The following ATP2B4 variants were observed in gnomAD, a reference collection of about 807,000 sequenced individuals.
The protein encoded by ATP2B4 is ATPase plasma membrane Ca2+ transporting 4.
In ATP2B4, 39 loss-of-function variants were observed where a neutral mutation model predicts 110.3. That is an observed-to-expected ratio of 0.35 (90% CI 0.27 to 0.46). The LOEUF (loss-of-function observed/expected upper bound fraction) is 0.46, where lower values mean the gene tolerates loss of function less well. Among genes scored for constraint, ATP2B4 ranks in the 20% least tolerant of loss-of-function variants. The probability of loss-of-function intolerance (pLI) is 1.00; values close to 1 mark genes in which losing one functional copy is unlikely to be tolerated. For synonymous variants in ATP2B4, 538 were observed against 571.7 expected (o/e 0.94, Z 0.84); for missense variants, 1,135 against 1,530.9 (o/e 0.74, Z 4.32).
At chr1:203,726,425 CTTTT>C (rs71861339) in intron 19 of ATP2B4, among the ~76,000 whole-genome samples, 1 of 145,080 alleles carries the variant, frequency 6.9e-6, no homozygotes, top group Non-Finnish European at 1.5e-5. Flanking sequence ...GTGAAGATTT[CTTTT>C]TTTTTTTTTT....
chr1:203,728,059 T>C (rs544599417), intron 20 of ATP2B4: 1 of 363,884 alleles, frequency 2.7e-6, no homozygotes, highest in African/African-American at 2.1e-5. Context: ...GAAACTCACC[T>C]TGTTATATCT....
chr1:203,729,784 G>T (rs938692364), intron 20 of ATP2B4: 1 of 1,322,708 alleles, frequency 7.6e-7, no homozygotes. Context: ...TCCGGGCACT[G>T]CCTGGAGCTC....
At chr1:203,657,792 C>T in intron 1 of ATP2B4, 6 of 588,308 alleles carry the variant, frequency 1.0e-5, no homozygotes, top group Non-Finnish European at 3.0e-6. Flanking sequence ...AGGAGTAGCC[C>T]CTGAGGTGCG....
At chr1:203,714,851 C>T (rs907628023) in intron 15 of ATP2B4, among the ~76,000 whole-genome samples, 3 of 152,150 alleles carry the variant, frequency 2.0e-5, no homozygotes, top group Non-Finnish European at 4.4e-5. Flanking sequence ...GCCTCCCATA[C>T]AGATTGAACT....
chr1:203,672,322 CTCTTTTTTTTTTTTT>C (rs1348780193), intron 1 of ATP2B4, among the ~76,000 whole-genome samples: 1 of 76,888 alleles, frequency 1.3e-5, no homozygotes, highest in Non-Finnish European at 2.4e-5. Context: ...GTTGCGGTGG[CTCTTTTTTTTTTTTT>C]TTTTTTTTTT....
chr1:203,679,349 C>T (rs959144076), intron 1 of ATP2B4, among the ~76,000 whole-genome samples: 2 of 152,136 alleles, frequency 1.3e-5, no homozygotes, highest in African/African-American at 2.4e-5. Flanking sequence ...AGTATTATAG[C>T]GATCCCACCT....
intron 2 of ATP2B4, among the ~76,000 whole-genome samples, chr1:203,684,894 T>G (rs1452239081): frequency 6.6e-6 from 1 of 152,202 alleles, no homozygotes. Context: ...AGTCTCACTC[T>G]TGTTGCCCAG....
intron 17 of ATP2B4, 123 bp from the exon 18 acceptor site, chr1:203,722,355 A>G (rs1469146937): frequency 1.3e-6 from 1 of 765,992 alleles, no homozygotes; most frequent in East Asian, 2.6e-5. Context: ...TAACTAGTGC[A>G]GCTCAGATAT....
rs188314751 is a variant in ATP2B4 at position 203,740,698 on chromosome 1, A to C, written c.*844A>C. On this transcript the variant is annotated 3_prime_UTR_variant, in exon 21 of 21. Transcript: ENST00000357681. ...GTGGTTCTTAAGTGCCAGGGAGATC[A>C]GCCTTGCCCATGAAGGTTGCATATG... The C allele has an allele frequency of 6.6e-6, 1 of 152,368 alleles. No homozygotes were observed. Among genetic ancestry groups the C allele is most frequent in the East Asian group, 1.9e-4 (1 of 5,186 alleles). The allele number at this position is 152,368 out of a possible 1,614,324, so 9.4% of individuals were successfully genotyped here. A position where few individuals can be genotyped will look rare whatever the true frequency, so the allele number is the denominator to read the frequency against.
rs1205529923 is a variant in ATP2B4 at position 203,664,824 on chromosome 1, C to T, written c.-464-17918C>T. Among the ~76,000 whole-genome samples the T allele has an allele frequency of 5.3e-5, 8 of 152,158 alleles. No individual in the cohort carries two copies. In the East Asian group the frequency reaches 1.5e-3, roughly 29 times the overall value. ...ACTGCACCTGCTAGTCCTTAAGGTA[C>T]TTTTATTTTATTTTATTTTATTTTT... On this transcript the variant is annotated intron_variant, in intron 1 of 20. Transcript: ENST00000357681.
At chr1:203,649,068 C>G (rs576456136) in intron 1 of ATP2B4, among the ~76,000 whole-genome samples, 16 of 152,218 alleles carry the variant, frequency 1.1e-4, no homozygotes, top group Middle Eastern at 3.4e-3. Flanking sequence ...TCATGGAGTG[C>G]CTACAAATAT....
chr1:203,637,531 A>C (rs927196639), intron 1 of ATP2B4, among the ~76,000 whole-genome samples: 1 of 152,130 alleles, frequency 6.6e-6, no homozygotes, highest in African/African-American at 2.4e-5. Flanking sequence ...ACACTGGAAT[A>C]ATGTCAGTGG....
At chr1:203,734,729 G>A (rs1171832257) in intron 20 of ATP2B4, among the ~76,000 whole-genome samples, 3 of 148,206 alleles carry the variant, frequency 2.0e-5, no homozygotes, top group African/African-American at 7.5e-5. Flanking sequence ...AAAAGGCCAG[G>A]CACAGTGGTT....
chr1:203,663,355 T>A (rs1289706439), intron 1 of ATP2B4, among the ~76,000 whole-genome samples: 1 of 152,130 alleles, frequency 6.6e-6, no homozygotes, highest in Non-Finnish European at 1.5e-5. Context: ...CTCCCTTTTG[T>A]ACCTCCACAA....
intron 20 of ATP2B4, chr1:203,733,109 C>A (rs1016476852): frequency 3.5e-5 from 34 of 983,858 alleles, no homozygotes; most frequent in Middle Eastern, 3.2e-4. Context: ...GTCCCCTTTT[C>A]CCATCTACTT....
intron 1 of ATP2B4, 110 bp from the exon 2 acceptor site, chr1:203,682,632 G>C (rs545656527): frequency 6.6e-6 from 1 of 152,484 alleles, no homozygotes; most frequent in African/African-American, 2.4e-5. Context: ...GATCTCAACT[G>C]TCACTTAAAC....
At position 203,699,621 on chromosome 1, in the gene ATP2B4, G is replaced by C; in HGVS notation, c.553G>C (p.Glu185Gln). ...KQFRGLQCRI[E>Q]QEQKFSIIRN... The stretch of plus-strand genomic sequence containing the variant: ...ATTCCGGGGGCTGCAGTGCCGCATT[G>C]AACAGGAGCAAAAGTTCTCCATCAT... Residue 185 changes from glutamate (E) to glutamine (Q), a missense_variant, in exon 4 of 21, where the codon GAA (glutamate) becomes CAA (glutamine). Transcript: ENST00000357681. 6.2e-7 allele frequency: 1 copy of C among 1,614,172 alleles called. No individual in the cohort carries two copies. Among genetic ancestry groups the C allele is most frequent in the Non-Finnish European group, 8.5e-7 (1 of 1,180,048 alleles).
chr1:203,722,643 G>A lies in ATP2B4; in HGVS notation c.2978G>A (p.Arg993His), dbSNP rs201032065. The A allele has an allele frequency of 8.3e-5, 134 of 1,614,038 alleles. No individual in the cohort carries two copies. Among genetic ancestry groups the A allele is most frequent in the Middle Eastern group, 1.6e-4 (1 of 6,084 alleles). The stretch of plus-strand genomic sequence containing the variant: ...AAGAACGTCTTTTCAGGCATCTACC[G>A]CAACATTATCTTCTGCTCTGTAGTC... Reference protein sequence around the residue: ...GEKNVFSGIYRNIIFCSVVLG... With the variant: ...GEKNVFSGIYHNIIFCSVVLG... Residue 993 changes from arginine (R) to histidine (H), a missense_variant, in exon 18 of 21, where the codon CGC (arginine) becomes CAC (histidine). Physicochemically the swap from Arg to His is conservative, Grantham distance 29. Around this residue, in one of 9 missense-constraint regions of ATP2B4, gnomAD observed 155 missense variants for 186.2 expected, o/e 0.83. Coordinates refer to ENST00000357681, the MANE Select transcript of ATP2B4 (RefSeq NM_001684.5).
chr1:203,700,959 C>A (rs200785034), intron 6 of ATP2B4, 36 bp downstream of exon 6: 1 of 1,599,414 alleles, frequency 6.3e-7, no homozygotes, highest in South Asian at 1.1e-5. Context: ...TCTTTCCTCT[C>A]ATCCCCATGG....
Sources: allele counts gnomAD v4.1 joint callset (sites outside exome capture counted in the v4.1 genomes callset), GRCh38; gene constraint gnomAD v4.1.1; regional missense constraint gnomAD v4.1.1; transcripts MANE v1.5; gene names NCBI Gene and HGNC (gene_info 2026-07-23, HGNC 2026-07-21).